Variants in CRY1 observed in about 807,000 individuals in gnomAD.
CRY1 encodes the protein cryptochrome-1.
A neutral mutation model predicts 76.0 loss-of-function variants in CRY1; 45 were observed. That is an observed-to-expected ratio of 0.59 (90% CI 0.47 to 0.76). CRY1 has a LOEUF of 0.76. Ranked by LOEUF, CRY1 falls within the 30% of genes least tolerant of loss-of-function variation. The pLI is 0.00. For synonymous variants in CRY1, 248 were observed against 244.0 expected (o/e 1.02, Z -0.15); for missense variants, 587 against 716.4 (o/e 0.82, Z 2.06).
intron 1 of CRY1, among the ~76,000 whole-genome samples, chr12:107,025,591 T>C (rs571602565): frequency 6.6e-6 from 1 of 152,316 alleles, no homozygotes; most frequent in South Asian, 2.1e-4. Context: ...TACTTTTTAG[T>C]GTTCTCCTTC....
At chr12:107,041,905 A>G (rs948896592) in intron 1 of CRY1, among the ~76,000 whole-genome samples, 2 of 152,208 alleles carry the variant, frequency 1.3e-5, no homozygotes, top group African/African-American at 4.8e-5. Flanking sequence ...AAGACTCAAC[A>G]GAGCAGTTGC....
At chr12:107,064,518 G>C (rs890591010) in intron 1 of CRY1, among the ~76,000 whole-genome samples, 2 of 152,118 alleles carry the variant, frequency 1.3e-5, no homozygotes, top group African/African-American at 4.8e-5. Flanking sequence ...AGCTACTTTG[G>C]AAAACAGTTT....
At chr12:107,002,837 T>G (rs868287813) in intron 3 of CRY1, among the ~76,000 whole-genome samples, 11 of 152,116 alleles carry the variant, frequency 7.2e-5, no homozygotes, top group African/African-American at 2.7e-4. Context: ...CTGATGGTTT[T>G]TAAAAGGGGG....
intron 1 of CRY1, among the ~76,000 whole-genome samples, chr12:107,040,208 A>T (rs977700737): frequency 6.6e-6 from 1 of 151,934 alleles, no homozygotes; most frequent in African/African-American, 2.4e-5. Flanking sequence ...AGGAAAGGGG[A>T]AACAGGAAGT....
At chr12:107,001,432 C>T in intron 4 of CRY1, 64 bp from the exon 5 acceptor site, 1 of 1,349,268 alleles carries the variant, frequency 7.4e-7, no homozygotes, top group South Asian at 1.3e-5. Context: ...ACCCCAATAA[C>T]TGGGAGAACA....
intron 1 of CRY1, among the ~76,000 whole-genome samples, chr12:107,058,088 T>A (rs1247060835): frequency 6.6e-6 from 1 of 151,780 alleles, no homozygotes; most frequent in Non-Finnish European, 1.5e-5. Flanking sequence ...ATATAAAGTG[T>A]CAGGAATATT....
chr12:106,992,924 A>G (rs762515770), intron 11 of CRY1, 34 bp from the exon 12 acceptor site: 1 of 1,613,880 alleles, frequency 6.2e-7, no homozygotes, highest in East Asian at 2.2e-5. Context: ...TTAAGATAGG[A>G]AAAGGAAAAA....
intron 1 of CRY1, among the ~76,000 whole-genome samples, chr12:107,077,728 T>C (rs1953274424): frequency 6.6e-6 from 1 of 152,178 alleles, no homozygotes; most frequent in Non-Finnish European, 1.5e-5. Context: ...AAAATTCACT[T>C]TTCCTCAGCC....
At chr12:107,023,115 G>A (rs1196408982) in intron 1 of CRY1, among the ~76,000 whole-genome samples, 3 of 152,136 alleles carry the variant, frequency 2.0e-5, no homozygotes, top group Admixed American at 1.3e-4. Context: ...TCAGCTGGAC[G>A]TATCTTATTT....
At chr12:107,059,662 T>C (rs750646466) in intron 1 of CRY1, among the ~76,000 whole-genome samples, 6 of 152,216 alleles carry the variant, frequency 3.9e-5, no homozygotes, top group African/African-American at 7.2e-5. Context: ...AAATCCATGA[T>C]ATCCAACCAG....
intron 1 of CRY1, among the ~76,000 whole-genome samples, chr12:107,081,675 T>C (rs1953327091): frequency 6.6e-6 from 1 of 152,062 alleles, no homozygotes; most frequent in Non-Finnish European, 1.5e-5. Context: ...GTACTATCTG[T>C]TAAGTGAGAG....
At chr12:107,091,996 A>AT (rs1415936139) in intron 1 of CRY1, among the ~76,000 whole-genome samples, 1 of 152,064 alleles carries the variant, frequency 6.6e-6, no homozygotes, top group Non-Finnish European at 1.5e-5. Flanking sequence ...AAAATACTAC[A>AT]TATTTTACTT....
rs1952280631 is a variant in CRY1 at position 106,999,759 on chromosome 12, T to C, written c.929A>G (p.Glu310Gly). 6.2e-7 allele frequency: 1 copy of C among 1,614,258 alleles called. No homozygotes were observed. Among genetic ancestry groups the C allele is most frequent in the African/African-American group, 1.3e-5 (1 of 75,072 alleles). Residue 310 changes from glutamate (E) to glycine (G), a missense_variant, in exon 7 of 13, where the codon GAA becomes GGA. Transcript: ENST00000008527. ...ATNNPRFDKMEGNPICVQIPW... is the reference protein window; with the variant it reads ...ATNNPRFDKMGGNPICVQIPW... ...AATCTGAACACAGATAGGGTTTCCT[T>C]CCATTTTATCAAAGCGTGGATTATT...
At chr12:106,997,419 G>C in intron 9 of CRY1, 33 bp from the exon 10 acceptor site, 1 of 1,611,700 alleles carries the variant, frequency 6.2e-7, no homozygotes, top group Admixed American at 1.7e-5. Context: ...TTTAAATTAT[G>C]ATCAAGATAA....
chr12:107,006,259 G>A (rs1952373425), intron 2 of CRY1, among the ~76,000 whole-genome samples: 1 of 151,990 alleles, frequency 6.6e-6, no homozygotes, highest in Non-Finnish European at 1.5e-5. Context: ...GGTGGCACAT[G>A]CTTGTAATTC....
At chr12:107,090,860 C>T (rs1953462737) in intron 1 of CRY1, among the ~76,000 whole-genome samples, 1 of 151,928 alleles carries the variant, frequency 6.6e-6, no homozygotes, top group Non-Finnish European at 1.5e-5. Flanking sequence ...AACTTAATGA[C>T]TTAATGAAAG....
intron 1 of CRY1, among the ~76,000 whole-genome samples, chr12:107,089,694 C>T (rs1439444059): frequency 3.9e-5 from 6 of 152,090 alleles, no homozygotes; most frequent in African/African-American, 1.2e-4. Context: ...GGGTTTTCCC[C>T]CTGGAGTTGA....
In CRY1 at chr12:107,000,007, A is replaced by C. The variant is rs755962786; in HGVS notation, c.760T>G (p.Tyr254Asp). Residue 254 changes from tyrosine to aspartate, a missense_variant, in exon 6 of 13, where the codon TAT (tyrosine) becomes GAT (aspartate). By Grantham distance (160) the Tyr-to-Asp change is radical (BLOSUM62 -3). Transcript: ENST00000008527. ...CATGACAAACAACCAAATCGGAGAT[A>C]AGGACTAAGTCCAGTAGGGCTTGCA... Reference protein sequence around the residue: ...LLASPTGLSPYLRFGCLSCRL... With the variant: ...LLASPTGLSPDLRFGCLSCRL... The C allele has an allele frequency of 6.2e-7, 1 of 1,613,180 alleles. No individual in the cohort carries two copies. Among genetic ancestry groups the C allele is most frequent in the Admixed American group, 1.7e-5 (1 of 59,830 alleles).
At chr12:107,040,925 A>G (rs1190899713) in intron 1 of CRY1, among the ~76,000 whole-genome samples, 1 of 151,758 alleles carries the variant, frequency 6.6e-6, no homozygotes, top group Non-Finnish European at 1.5e-5. Context: ...CCTTTAAAAA[A>G]AAAAAAAAGA....
Sources: gnomAD v4.1 joint callset for allele counts (sites outside exome capture counted in the v4.1 genomes callset) on GRCh38, gnomAD v4.1.1 for gene constraint, MANE v1.5 for transcripts, NCBI Gene and HGNC (gene_info 2026-07-23, HGNC 2026-07-21) for gene names.